COL4A3: variants seen among roughly 807,000 people sequenced by gnomAD.
COL4A3 encodes collagen alpha-3(IV) chain.
Under a neutral mutation model 217.4 loss-of-function variants are expected in COL4A3, and 135 were observed. The observed-to-expected ratio is 0.62, with a 90% CI of 0.54 to 0.72. The LOEUF (loss-of-function observed/expected upper bound fraction) is 0.72. Ranked by LOEUF, COL4A3 falls within the 30% of genes least tolerant of loss-of-function variation. The pLI is 0.00. For synonymous variants in COL4A3, 690 were observed against 736.3 expected (o/e 0.94, Z 1.02); for missense variants, 1,868 against 2,119.9 (o/e 0.88, Z 2.33).
chr2:227,223,388 A>G (rs2067915450), intron 1 of COL4A3, among the ~76,000 whole-genome samples: 1 of 152,204 alleles, frequency 6.6e-6, no homozygotes, highest in Admixed American at 6.5e-5. Flanking sequence ...GAAGTGTGTT[A>G]CTCATAACAA....
At chr2:227,208,092 T>C (rs1438350720) in intron 1 of COL4A3, among the ~76,000 whole-genome samples, 1 of 151,512 alleles carries the variant, frequency 6.6e-6, no homozygotes, top group Non-Finnish European at 1.5e-5. Flanking sequence ...AAATCTAACT[T>C]AACCAACTCT....
At chr2:227,208,242 TG>T (rs2067175275) in intron 1 of COL4A3, among the ~76,000 whole-genome samples, 1 of 152,206 alleles carries the variant, frequency 6.6e-6, no homozygotes, top group Non-Finnish European at 1.5e-5. Flanking sequence ...CCTTCTTGCC[TG>T]GGGACCAGTT....
rs1186258741 is a variant in COL4A3, at chr2:227,313,065, T to G, written c.*1195T>G. On this transcript the variant is annotated 3_prime_UTR_variant, in exon 52 of 52. Transcript: ENST00000396578. ...ATGTCTTAAAACCTGCTTTTCAATGTGTTGATACATTCCCAAGGTTACTTA... is the reference window on the plus strand; with the variant it reads ...ATGTCTTAAAACCTGCTTTTCAATGGGTTGATACATTCCCAAGGTTACTTA... 6.6e-6 allele frequency: 1 copy of G among 152,648 alleles called. No individual in the cohort carries two copies. Among genetic ancestry groups the G allele is most frequent in the African/African-American group, 2.4e-5 (1 of 41,468 alleles). 9.5% of individuals were successfully genotyped at this position (152,648 alleles called of 1,614,324 possible).
chr2:227,209,925 C>A (rs1160266157), intron 1 of COL4A3, among the ~76,000 whole-genome samples: 1 of 152,174 alleles, frequency 6.6e-6, no homozygotes, highest in Non-Finnish European at 1.5e-5. Flanking sequence ...TATGTTCTGA[C>A]CAACTCTCAA....
intron 1 of COL4A3, among the ~76,000 whole-genome samples, chr2:227,218,598 A>G (rs1287557968): frequency 1.3e-5 from 2 of 152,236 alleles, no homozygotes; most frequent in Non-Finnish European, 2.9e-5. Flanking sequence ...TTCCTTCCAA[A>G]ACTAACAGTG....
At chr2:227,226,475 G>GTTTTTTT (rs35834157) in intron 1 of COL4A3, among the ~76,000 whole-genome samples, 4 of 144,140 alleles carry the variant, frequency 2.8e-5, no homozygotes, top group African/African-American at 7.6e-5. Context: ...TGTTAGGTTT[G>GTTTTTTT]TTTTTTTTTT....
In COL4A3 at chr2:227,280,791, C is replaced by G. The variant is rs1018410081; in HGVS notation, c.2375-102C>G. The G allele has an allele frequency of 2.0e-5, 21 of 1,049,228 alleles. No homozygotes were observed. The Admixed American group carries it at 4.0e-4, about 20-fold the overall frequency. 65.0% of individuals were successfully genotyped at this position (1,049,228 alleles called of 1,614,324 possible). On this transcript the variant is annotated intron_variant, in intron 30 of 51. Coordinates refer to ENST00000396578, the MANE Select transcript of COL4A3 (RefSeq NM_000091.5). ...CATATTAATGGCAGTAAATATAGAT[C>G]TGATTTAGGTGGAAAAAAAGTTAAC...
Position 227,240,166 on chromosome 2 carries a change from C to G in COL4A3, c.168C>G (p.Pro56=). 1.9e-6 allele frequency: 3 copies of G among 1,610,762 alleles called. No individual in the cohort carries two copies. Among genetic ancestry groups the G allele is most frequent in the Non-Finnish European group, 2.5e-6 (3 of 1,178,716 alleles). ...AGGGGGAGAAGGGCTTTCCTGGACC[C>G]CCCGGTTCTCCTGGCCAGAAAGGAT... ...GEKGEKGFPG[P]PGSPGQKGFT... Residue 56 remains proline, a synonymous_variant, in exon 3 of 52, where the codon CCC becomes CCG. Transcript: ENST00000396578.
intron 1 of COL4A3, among the ~76,000 whole-genome samples, chr2:227,213,823 A>G (rs550228150): frequency 2.8e-4 from 41 of 148,606 alleles, no homozygotes; most frequent in African/African-American, 9.9e-4. Context: ...AATGGCGTGA[A>G]CCCAGAAGAC....
Position 227,270,839 on chromosome 2 carries a change from C to T in COL4A3, c.1645C>T (p.Gln549Ter). The change falls in exon 25 of 52, where the codon CAA becomes TAA. Residue 549 changes from glutamine to a stop codon, truncating the protein, a stop_gained. Coordinates refer to ENST00000396578, the MANE Select transcript of COL4A3 (RefSeq NM_000091.5). LOFTEE classifies it high-confidence loss of function. The part of the protein sequence containing the change: ...EKGETLQPEG[Q>*]VGVPGDPGLR... ...AGGTGAAACACTTCAGCCTGAGGGG[C>T]AAGTGGGTGTCCCAGGTGACCCGGG... The T allele has an allele frequency of 6.2e-7, 1 of 1,614,116 alleles. No individual in the cohort carries two copies. Among genetic ancestry groups the T allele is most frequent in the Non-Finnish European group, 8.5e-7 (1 of 1,180,014 alleles).
At chr2:227,251,423 A>C in intron 11 of COL4A3, 52 bp downstream of exon 11, 4 of 1,556,298 alleles carry the variant, frequency 2.6e-6, no homozygotes, top group African/African-American at 1.4e-5. Context: ...CTCAATCTCA[A>C]AGCCAAACCT....
intron 8 of COL4A3, among the ~76,000 whole-genome samples, chr2:227,248,075 GATTACA>G (rs775062843): frequency 2.5e-4 from 38 of 152,110 alleles, no homozygotes; most frequent in Non-Finnish European, 3.8e-4. Flanking sequence ...AAGTAACTGG[GATTACA>G]AGTGCATGCC....
rs2065162157 is a variant in COL4A3 at position 227,164,885 on chromosome 2, C to T, written c.87+72C>T. ...TCCACGCGTCCGGGGGACGCGCTGG[C>T]CCCACCCGCAGCGGCGCGGTAGTGG... On this transcript the variant is annotated intron_variant, in intron 1 of 51. Transcript: ENST00000396578. The surrounding 1 kb of genome is among the most constrained non-coding windows in gnomAD (Gnocchi z 4.8). 3 of 1,392,066 alleles carry T rather than the reference C, an allele frequency of 2.2e-6. No homozygotes were observed. Among genetic ancestry groups the T allele is most frequent in the Non-Finnish European group, 2.8e-6 (3 of 1,077,010 alleles). The allele number at this position is 1,392,066 out of a possible 1,614,324, so 86.2% of individuals were successfully genotyped here.
chr2:227,281,936 A>G (rs1286021617), intron 31 of COL4A3: 1 of 152,706 alleles, frequency 6.5e-6, no homozygotes, highest in African/African-American at 2.4e-5. Context: ...GTAAGTGTGC[A>G]GTTACCCCAA....
At position 227,272,933 on chromosome 2, in the gene COL4A3, A is replaced by T. The variant is rs2071327916; in HGVS notation, c.1759-16A>T. The T allele has an allele frequency of 3.1e-6, 5 of 1,613,488 alleles. No homozygotes were observed. The highest frequency in any genetic ancestry group is 1.7e-5 in the Admixed American group (1 of 60,006). On this transcript the variant is annotated splice_polypyrimidine_tract_variant and intron_variant, in intron 25 of 51. Transcript: ENST00000396578. Reference sequence around the variant, plus strand: ...CTGGAATGAAGCACGATTCAAACACATTCCTGTTGTCACAGGCTCTGAGTG... The same window carrying T: ...CTGGAATGAAGCACGATTCAAACACTTTCCTGTTGTCACAGGCTCTGAGTG...
rs2065154602 is a variant in COL4A3 at position 227,164,818 on chromosome 2, G to A, written c.87+5G>A. ...GCGGCGCCCGCAGCCAGCAAGGTGA[G>A]TGGGGGCTGCGCGACCCCCACCCCC... On this transcript the variant is annotated splice_donor_5th_base_variant and intron_variant, in intron 1 of 51. Coordinates refer to ENST00000396578, the MANE Select transcript of COL4A3 (RefSeq NM_000091.5). The surrounding 1 kb of genome is among the most constrained non-coding windows in gnomAD (Gnocchi z 4.8). 1.3e-6 allele frequency: 2 copies of A among 1,511,894 alleles called. No individual in the cohort carries two copies. The highest frequency in any genetic ancestry group is 1.8e-6 in the Non-Finnish European group (2 of 1,137,218). The allele number at this position is 1,511,894 out of a possible 1,614,324, so 93.7% of individuals were successfully genotyped here. A position where few individuals can be genotyped will look rare whatever the true frequency, so the allele number is the denominator to read the frequency against.
chr2:227,273,437 C>CT (rs1478764152), intron 26 of COL4A3, among the ~76,000 whole-genome samples: 1 of 152,136 alleles, frequency 6.6e-6, no homozygotes, highest in Non-Finnish European at 1.5e-5. Flanking sequence ...CAGGGTCTCA[C>CT]TGTGTTGCCC....
chr2:227,305,150 G>C, intron 47 of COL4A3, 67 bp downstream of exon 47: 7 of 1,387,196 alleles, frequency 5.0e-6, no homozygotes, highest in Non-Finnish European at 7.1e-6. Context: ...TCTTGTTCGA[G>C]TGGGTGACTA....
intron 1 of COL4A3, among the ~76,000 whole-genome samples, chr2:227,195,697 A>G (rs6741547): frequency 0.62 from 89,228 of 143,162 alleles, 27,010 homozygotes; most frequent in East Asian, 0.67. Context: ...GTGTGTGTGT[A>G]TGTGTGTGTG....
Sources: allele counts gnomAD v4.1 joint callset (sites outside exome capture counted in the v4.1 genomes callset), GRCh38; gene constraint gnomAD v4.1.1; non-coding constraint Gnocchi (gnomAD v3.1); transcripts MANE v1.5; gene names NCBI Gene and HGNC (gene_info 2026-07-23, HGNC 2026-07-21).